CAMTA1: variants seen among roughly 807,000 people sequenced by gnomAD.
The protein encoded by CAMTA1 is calmodulin binding transcription activator 1, also known as calmodulin-binding transcription activator 1.
A neutral mutation model predicts 170.9 loss-of-function variants in CAMTA1; 27 were observed. The ratio of observed to expected loss-of-function variants is 0.16; its 90% CI spans 0.12 to 0.22. The LOEUF is 0.22. CAMTA1 is among the 10% of genes least tolerant of loss of function. The probability of loss-of-function intolerance (pLI) is 1.00; values close to 1 mark genes in which losing one functional copy is unlikely to be tolerated. For synonymous variants in CAMTA1, 833 were observed against 891.5 expected, an observed-to-expected ratio of 0.93 and a Z score of 1.17; for missense variants, 1,619 against 2,217.2, an observed-to-expected ratio of 0.73 and a Z score of 5.42.
chr1:7,550,965 G>A (rs1203683365), intron 6 of CAMTA1, among the ~76,000 whole-genome samples: 3 of 152,094 alleles, frequency 2.0e-5, no homozygotes, highest in Non-Finnish European at 4.4e-5. Flanking sequence ...TCCTTCACAG[G>A]AAGGCAAAGT....
At chr1:7,069,226 T>C (rs1638271124) in intron 3 of CAMTA1, among the ~76,000 whole-genome samples, 1 of 152,218 alleles carries the variant, frequency 6.6e-6, no homozygotes. Context: ...ACCTACTGCA[T>C]GCCACATGCT....
rs1437174329 is a variant in CAMTA1 at position 7,455,061 on chromosome 1, G to T, written c.439-12769G>T. Among the ~76,000 whole-genome samples, 1 of 152,162 alleles carries T rather than the reference G, an allele frequency of 6.6e-6. No homozygotes were observed. Among genetic ancestry groups the T allele is most frequent in the Non-Finnish European group, 1.5e-5 (1 of 68,024 alleles). On this transcript the variant is annotated intron_variant, in intron 5 of 22. Coordinates refer to ENST00000303635, the MANE Select transcript of CAMTA1 (RefSeq NM_015215.4). The surrounding 1 kb of genome is among the most constrained non-coding windows in gnomAD (Gnocchi z 5.0). ...GAGGTTCCGATGCACTCAGGGCCCT[G>T]GGGGCATCCAGGGCCGGCCTGGCTG...
intron 3 of CAMTA1, among the ~76,000 whole-genome samples, chr1:7,076,376 T>C (rs1395603985): frequency 3.3e-5 from 5 of 152,226 alleles, no homozygotes; most frequent in Non-Finnish European, 7.3e-5. Flanking sequence ...GGAAGATATA[T>C]TTGATTGTGT....
chr1:6,866,519 T>A (rs1666619670), intron 3 of CAMTA1, among the ~76,000 whole-genome samples: 1 of 152,170 alleles, frequency 6.6e-6, no homozygotes, highest in East Asian at 1.9e-4. Flanking sequence ...TTATTTGTGT[T>A]TGGGAGGAAT....
chr1:7,354,828 C>G (rs1175202964), intron 5 of CAMTA1, among the ~76,000 whole-genome samples: 1 of 152,168 alleles, frequency 6.6e-6, no homozygotes, highest in Non-Finnish European at 1.5e-5. Context: ...TGATGGTGAG[C>G]ATTTTTTCAT....
intron 5 of CAMTA1, among the ~76,000 whole-genome samples, chr1:7,308,869 G>A (rs1435827843): frequency 1.3e-5 from 2 of 152,224 alleles, no homozygotes; most frequent in Non-Finnish European, 2.9e-5. Flanking sequence ...TTCTATGACT[G>A]ATTTCTGTCT....
intron 6 of CAMTA1, among the ~76,000 whole-genome samples, chr1:7,524,649 T>G (rs934400486): frequency 1.3e-5 from 2 of 152,200 alleles, no homozygotes; most frequent in African/African-American, 4.8e-5. Flanking sequence ...AATTTCCTGC[T>G]ATTCCTGACT....
chr1:7,397,353 A>AT (rs140255656), intron 5 of CAMTA1, among the ~76,000 whole-genome samples: 2,600 of 151,410 alleles, frequency 0.017, 75 homozygotes, highest in African/African-American at 0.06. Flanking sequence ...TTCATCTCTG[A>AT]TTTTTTTTAA....
chr1:7,517,397 C>G (rs1447683839), intron 6 of CAMTA1, among the ~76,000 whole-genome samples: 1 of 152,130 alleles, frequency 6.6e-6, no homozygotes, highest in African/African-American at 2.4e-5. Flanking sequence ...TAAAGCTGTT[C>G]CCCAACCTGT....
At chr1:7,446,523 CA>C (rs1224313615) in intron 5 of CAMTA1, among the ~76,000 whole-genome samples, 5 of 152,168 alleles carry the variant, frequency 3.3e-5, no homozygotes, top group Non-Finnish European at 7.4e-5. Context: ...GCCTGGCCAC[CA>C]GGAGGGCCCG....
Position 7,746,022 on chromosome 1 carries a change from G to A in CAMTA1, c.4548G>A (p.Leu1516=). ...KVENEFAQLT[L]SDHEQRELYE... Reference sequence around the variant, plus strand: ...AGAATGAGTTTGCTCAGCTCACTCTGTCTGATCATGAACAGAGAGAACTCT... The same window carrying A: ...AGAATGAGTTTGCTCAGCTCACTCTATCTGATCATGAACAGAGAGAACTCT... Residue 1516 remains leucine (L), a synonymous_variant, in exon 18 of 23, where the codon CTG becomes CTA. Transcript: ENST00000303635. The A allele has an allele frequency of 6.2e-7, 1 of 1,614,170 alleles. No individual in the cohort carries two copies.
chr1:6,867,221 C>T (rs1314822907), intron 3 of CAMTA1, among the ~76,000 whole-genome samples: 1 of 152,122 alleles, frequency 6.6e-6, no homozygotes, highest in East Asian at 1.9e-4. Flanking sequence ...CTTCTGCCCA[C>T]CCTTCTCCTC....
chr1:7,104,425 A>C (rs2148307224), intron 4 of CAMTA1, among the ~76,000 whole-genome samples: 1 of 152,100 alleles, frequency 6.6e-6, no homozygotes, highest in East Asian at 1.9e-4. Context: ...CTCTTGTAAG[A>C]AGTCTCTGGG....
chr1:7,194,065 G>A (rs1214052373), intron 4 of CAMTA1, among the ~76,000 whole-genome samples: 1 of 152,196 alleles, frequency 6.6e-6, no homozygotes, highest in African/African-American at 2.4e-5. Context: ...AGGGATGTGT[G>A]TGACCTAGAT....
chr1:7,598,230 C>T (rs561845602), intron 6 of CAMTA1, among the ~76,000 whole-genome samples: 15 of 152,252 alleles, frequency 9.9e-5, no homozygotes, highest in African/African-American at 3.4e-4. Flanking sequence ...ATAATGGTTT[C>T]CAGCTTCATC....
chr1:6,944,495 A>T (rs1687248017), intron 3 of CAMTA1, among the ~76,000 whole-genome samples: 2 of 152,050 alleles, frequency 1.3e-5, no homozygotes, highest in Admixed American at 6.6e-5. Context: ...TCTTGCTCAG[A>T]CACATGGGCA....
In CAMTA1 at chr1:7,580,552, C is replaced by T. The variant is rs2095251302; in HGVS notation, c.511-59848C>T. The stretch of plus-strand genomic sequence containing the variant: ...TGAGCCAGGTGGCAGACAGGACACC[C>T]GCACATGGAGGAACCACTAACAAGT... On this transcript the variant is annotated intron_variant, in intron 6 of 22. Coordinates refer to ENST00000303635, the MANE Select transcript of CAMTA1 (RefSeq NM_015215.4). The surrounding 1 kb of genome is among the most constrained non-coding windows in gnomAD (Gnocchi z 4.3). Among the ~76,000 whole-genome samples the T allele has an allele frequency of 6.6e-6, 1 of 151,994 alleles. No individual in the cohort carries two copies. Among genetic ancestry groups the T allele is most frequent in the Non-Finnish European group, 1.5e-5 (1 of 68,002 alleles).
chr1:7,116,032 A>G (rs1644310521), intron 4 of CAMTA1, among the ~76,000 whole-genome samples: 2 of 152,158 alleles, frequency 1.3e-5, no homozygotes, highest in Admixed American at 1.3e-4. Flanking sequence ...AGTTAGATTG[A>G]CACATAACAT....
At position 7,534,973 on chromosome 1, in the gene CAMTA1, T is replaced by G. The variant is rs1361657852; in HGVS notation, c.510+67072T>G. 2.3e-4 allele frequency among the ~76,000 whole-genome samples: 29 copies of G among 127,648 alleles called. No individual in the cohort carries two copies. Among genetic ancestry groups the G allele is most frequent in the East Asian group, 6.7e-4 (3 of 4,480 alleles). 83.7% of individuals were successfully genotyped at this position (127,648 alleles called of 152,430 possible). ...GGAAGGGAAGAGGAGGGGAAGGGAG[T>G]GAAGGAGAGAGGAGGGGAGGGGAGG... On this transcript the variant is annotated intron_variant, in intron 6 of 22. Coordinates refer to ENST00000303635, the MANE Select transcript of CAMTA1 (RefSeq NM_015215.4). The surrounding 1 kb of genome is among the most constrained non-coding windows in gnomAD (Gnocchi z 5.6).
Sources: allele counts gnomAD v4.1 joint callset (sites outside exome capture counted in the v4.1 genomes callset), GRCh38; gene constraint gnomAD v4.1.1; non-coding constraint Gnocchi (gnomAD v3.1); transcripts MANE v1.5; gene names NCBI Gene and HGNC (gene_info 2026-07-23, HGNC 2026-07-21).